Variants in GRID2 observed in about 807,000 individuals in gnomAD.
The protein encoded by GRID2 is glutamate receptor ionotropic, delta-2.
A neutral mutation model predicts 114.8 loss-of-function variants in GRID2; 33 were observed. The ratio of observed to expected loss-of-function variants is 0.29; its 90% CI spans 0.22 to 0.38. GRID2 has a LOEUF of 0.38. Ranked by LOEUF, GRID2 falls within the 10% of genes least tolerant of loss-of-function variation. The pLI, the probability that GRID2 is intolerant of heterozygous loss-of-function variation, is 1.00. For synonymous variants in GRID2, 505 were observed against 449.9 expected, an observed-to-expected ratio of 1.12 and a Z score of -1.55; for missense variants, 1,184 against 1,257.7, an observed-to-expected ratio of 0.94 and a Z score of 0.89.
At chr4:93,307,207 GAAAAAAATAAAAAAA>G (rs1396233513) in intron 8 of GRID2, among the ~76,000 whole-genome samples, 1 of 99,502 alleles carries the variant, frequency 1.0e-5, no homozygotes, top group Non-Finnish European at 2.1e-5. Flanking sequence ...GTCTCAGAAA[GAAAAAAATAAAAAAA>G]AAAAAAATAA....
intron 1 of GRID2, among the ~76,000 whole-genome samples, chr4:92,411,499 A>G (rs1466099806): frequency 6.6e-6 from 1 of 151,168 alleles, no homozygotes; most frequent in Non-Finnish European, 1.5e-5. Context: ...ATATTTAACC[A>G]CCTTTTCCTG....
intron 2 of GRID2, among the ~76,000 whole-genome samples, chr4:92,634,747 CTT>C (rs3077529): frequency 6.6e-5 from 8 of 121,186 alleles, no homozygotes; most frequent in South Asian, 5.2e-4. Context: ...TTTTTTTTTT[CTT>C]TTTTTTTTTT....
chr4:92,504,648 A>G (rs1723862813), intron 1 of GRID2, among the ~76,000 whole-genome samples: 1 of 151,808 alleles, frequency 6.6e-6, no homozygotes, highest in Non-Finnish European at 1.5e-5. Context: ...GAAAAGCACA[A>G]CTCTTCCTGA....
intron 13 of GRID2, among the ~76,000 whole-genome samples, chr4:93,556,383 C>T (rs1262625051): frequency 2.6e-5 from 4 of 152,070 alleles, no homozygotes; most frequent in Admixed American, 6.5e-5. Context: ...GAATTGCTAA[C>T]CAGAATAACC....
chr4:92,907,266 G>A (rs1466616682), intron 2 of GRID2, among the ~76,000 whole-genome samples: 1 of 152,078 alleles, frequency 6.6e-6, no homozygotes, highest in Non-Finnish European at 1.5e-5. Context: ...GTATAAGTGT[G>A]CATATTCATT....
chr4:92,802,437 G>C (rs768036364), intron 2 of GRID2, among the ~76,000 whole-genome samples: 1 of 151,524 alleles, frequency 6.6e-6, no homozygotes, highest in Admixed American at 6.6e-5. Flanking sequence ...AAAATTCTCT[G>C]TGCTTTGTGT....
At chr4:93,273,468 C>G (rs6814567) in intron 8 of GRID2, among the ~76,000 whole-genome samples, 104,088 of 151,226 alleles carry the variant, frequency 0.69, 36,429 homozygotes, top group Middle Eastern at 0.84. Flanking sequence ...TATCCCCCCC[C>G]CCAAAAAATA....
At chr4:92,847,580 G>A (rs1292100027) in intron 2 of GRID2, among the ~76,000 whole-genome samples, 2 of 151,968 alleles carry the variant, frequency 1.3e-5, no homozygotes, top group African/African-American at 2.4e-5. Context: ...AACATAAAGA[G>A]ATGTCTTCTA....
intron 2 of GRID2, among the ~76,000 whole-genome samples, chr4:93,071,825 C>T (rs1320022770): frequency 6.6e-6 from 1 of 151,970 alleles, no homozygotes; most frequent in Non-Finnish European, 1.5e-5. Context: ...AGTGTGTGTG[C>T]CTGAATGACA....
intron 1 of GRID2, among the ~76,000 whole-genome samples, chr4:92,349,815 G>C (rs1727973757): frequency 6.6e-6 from 1 of 151,656 alleles, no homozygotes; most frequent in Non-Finnish European, 1.5e-5. Flanking sequence ...ATAATGAAAA[G>C]GAAACATGAA....
intron 1 of GRID2, among the ~76,000 whole-genome samples, chr4:92,476,979 T>C (rs1722342345): frequency 6.6e-6 from 1 of 151,692 alleles, no homozygotes; most frequent in South Asian, 2.1e-4. Context: ...TAAAACACTG[T>C]CATTCTTAGG....
At chr4:93,321,147 G>A (rs1247781236) in intron 8 of GRID2, among the ~76,000 whole-genome samples, 2 of 152,056 alleles carry the variant, frequency 1.3e-5, no homozygotes, top group South Asian at 2.1e-4. Flanking sequence ...CCACAATGGA[G>A]AATGTCCACT....
intron 13 of GRID2, among the ~76,000 whole-genome samples, chr4:93,612,205 C>T (rs1173066614): frequency 6.7e-6 from 1 of 149,810 alleles, no homozygotes; most frequent in African/African-American, 2.5e-5. Flanking sequence ...CTATGTGTGT[C>T]TCTGCACGTG....
intron 2 of GRID2, among the ~76,000 whole-genome samples, chr4:92,875,617 AAAT>A (rs1298422092): frequency 5.3e-5 from 8 of 152,166 alleles, no homozygotes; most frequent in East Asian, 1.9e-4. Context: ...ATTTTGAAGA[AAAT>A]AATAATATAC....
At chr4:93,536,192 TAGAA>T (rs1732052651) in intron 13 of GRID2, among the ~76,000 whole-genome samples, 1 of 151,840 alleles carries the variant, frequency 6.6e-6, no homozygotes, top group East Asian at 1.9e-4. Context: ...TTTACGTAAA[TAGAA>T]AGAACAATCC....
At chr4:93,419,332 T>C (rs572760538) in intron 9 of GRID2, among the ~76,000 whole-genome samples, 1 of 152,128 alleles carries the variant, frequency 6.6e-6, no homozygotes, top group African/African-American at 2.4e-5. Flanking sequence ...AATCAATGAC[T>C]GAATAAATTT....
chr4:93,302,579 A>T (rs745827436), intron 8 of GRID2: 10 of 456,108 alleles, frequency 2.2e-5, no homozygotes, highest in Non-Finnish European at 4.4e-5. Context: ...ATTTGGAATT[A>T]CAGGTAAACT....
chr4:92,449,709 A>ATATATATG (rs1421227641), intron 1 of GRID2, among the ~76,000 whole-genome samples: 5 of 142,828 alleles, frequency 3.5e-5, no homozygotes, highest in Non-Finnish European at 6.1e-5. Flanking sequence ...ATATATATAT[A>ATATATATG]TAACACTTAA....
chr4:93,102,321 T>A (rs1731781911), intron 3 of GRID2, among the ~76,000 whole-genome samples: 1 of 152,134 alleles, frequency 6.6e-6, no homozygotes, highest in East Asian at 1.9e-4. Context: ...TTAAACTGTT[T>A]CTGAAAATTA....
Sources: allele counts gnomAD v4.1 joint callset (sites outside exome capture counted in the v4.1 genomes callset), GRCh38; gene constraint gnomAD v4.1.1; transcripts MANE v1.5; gene names NCBI Gene and HGNC (gene_info 2026-07-23, HGNC 2026-07-21).